SCIMP: variants seen among roughly 807,000 people sequenced by gnomAD.
SCIMP encodes SLP adapter and CSK-interacting membrane protein.
Under a neutral mutation model 22.0 loss-of-function variants are expected in SCIMP, and 18 were observed. The ratio of observed to expected loss-of-function variants is 0.82; its 90% CI spans 0.56 to 1.21. SCIMP has a LOEUF of 1.21. Among genes scored for constraint, SCIMP ranks in the 50% most tolerant of loss-of-function variants. SCIMP has a pLI of 0.00. For synonymous variants in SCIMP, 53 were observed against 62.2 expected (o/e 0.85, Z 0.70); for missense variants, 155 against 171.2 (o/e 0.91, Z 0.53).
At position 5,209,517 on chromosome 17, in the gene SCIMP, A is replaced by G. The variant is rs1166533068; in HGVS notation, c.*1284T>C. 1 of 152,140 alleles carries G rather than the reference A, an allele frequency of 6.6e-6. No individual in the cohort carries two copies. Among genetic ancestry groups the G allele is most frequent in the South Asian group, 2.1e-4 (1 of 4,834 alleles). The allele number at this position is 152,140 out of a possible 1,614,324, so 9.4% of individuals were successfully genotyped here. A position where few individuals can be genotyped will look rare whatever the true frequency, so the allele number is the denominator to read the frequency against. The stretch of plus-strand genomic sequence containing the variant: ...GAGAAAGCTTGAAAATGGGAGGAAC[A>G]CATTTTCCCATCTCTTGAGGGAAAT... On this transcript the variant is annotated 3_prime_UTR_variant, in exon 5 of 5. Coordinates refer to ENST00000574081, the MANE Select transcript of SCIMP (RefSeq NM_207103.3).
chr17:5,225,437 C>T (rs182706605), intron 1 of SCIMP, among the ~76,000 whole-genome samples: 1 of 151,922 alleles, frequency 6.6e-6, no homozygotes, highest in African/African-American at 2.4e-5. Flanking sequence ...TACATTCCAG[C>T]CTGGACAACA....
At chr17:5,216,120 T>G (rs1425663326) in intron 3 of SCIMP, among the ~76,000 whole-genome samples, 1 of 152,078 alleles carries the variant, frequency 6.6e-6, no homozygotes, top group Non-Finnish European at 1.5e-5. Context: ...AGAGGATCAC[T>G]TGAGCCCAAA....
intron 3 of SCIMP, among the ~76,000 whole-genome samples, chr17:5,216,686 CA>C (rs1003737910): frequency 5.9e-5 from 9 of 151,532 alleles, no homozygotes; most frequent in African/African-American, 2.2e-4. Flanking sequence ...AAACAAAAAA[CA>C]AAAAAAACCC....
chr17:5,208,973 CATTT>C lies in SCIMP; in HGVS notation c.*1824_*1827del, dbSNP rs1370050902. The C allele has an allele frequency of 6.6e-6, 1 of 152,154 alleles. No individual in the cohort carries two copies. Among genetic ancestry groups the C allele is most frequent in the East Asian group, 1.9e-4 (1 of 5,194 alleles). The allele number at this position is 152,154 out of a possible 1,614,324, so 9.4% of individuals were successfully genotyped here. ...TCATAGTCATGGAGGGTTTACAGAA[CATTT>C]ATAAGACGAAAGCATGTGTTTGAAA... On this transcript the variant is annotated 3_prime_UTR_variant, in exon 5 of 5. Transcript: ENST00000574081.
intron 4 of SCIMP, among the ~76,000 whole-genome samples, chr17:5,211,961 T>C (rs952982912): frequency 6.6e-6 from 1 of 151,938 alleles, no homozygotes; most frequent in African/African-American, 2.4e-5. Context: ...GACAGGAGAA[T>C]TGCTTGAACC....
intron 2 of SCIMP, among the ~76,000 whole-genome samples, chr17:5,222,311 T>C (rs1332132556): frequency 6.6e-6 from 1 of 151,574 alleles, no homozygotes; most frequent in Non-Finnish European, 1.5e-5. Context: ...CAGGATGGTC[T>C]TGATCTCCTC....
intron 1 of SCIMP, among the ~76,000 whole-genome samples, chr17:5,226,610 A>G (rs2074651188): frequency 6.7e-6 from 1 of 150,066 alleles, no homozygotes; most frequent in African/African-American, 2.5e-5. Flanking sequence ...AGTTCAAGCG[A>G]TTCTTCTGCC....
chr17:5,231,992 C>G (rs1158929857), intron 1 of SCIMP, among the ~76,000 whole-genome samples: 1 of 151,932 alleles, frequency 6.6e-6, no homozygotes, highest in Admixed American at 6.6e-5. Context: ...GGAGGCGGAG[C>G]TTGCAGTGAG....
At chr17:5,223,231 C>G (rs1054052771) in intron 2 of SCIMP, 102 bp downstream of exon 2, 24 of 1,286,592 alleles carry the variant, frequency 1.9e-5, no homozygotes, top group Middle Eastern at 4.1e-4. Flanking sequence ...CAAAATTCAG[C>G]TCATTCAGGC....
At chr17:5,212,913 A>G (rs1039776767) in intron 4 of SCIMP, 1 of 151,308 alleles carries the variant, frequency 6.6e-6, no homozygotes, top group African/African-American at 2.5e-5. Context: ...TAATACATAA[A>G]TGAACAATAA....
intron 1 of SCIMP, among the ~76,000 whole-genome samples, chr17:5,226,298 C>CA (rs745843765): frequency 1.3e-5 from 2 of 151,334 alleles, no homozygotes; most frequent in Admixed American, 1.3e-4. Flanking sequence ...GTGTAGCTTC[C>CA]AAAAAAAACT....
chr17:5,219,396 G>A (rs545157140), intron 3 of SCIMP, among the ~76,000 whole-genome samples: 50 of 152,198 alleles, frequency 3.3e-4, no homozygotes, highest in African/African-American at 1.2e-3. Flanking sequence ...GGAGGCCAAG[G>A]TGGGTGGATC....
rs145625540 is a variant in SCIMP at position 5,219,901 on chromosome 17, C to T, written c.209+1386G>A. Among the ~76,000 whole-genome samples, 18 of 152,328 alleles carry T rather than the reference C, an allele frequency of 1.2e-4. No homozygotes were observed. The East Asian group carries it at 3.3e-3, about 28-fold the overall frequency. ...TTGCCACATATTGTTACTGGGAGAA[C>T]TGGGGCTCTCTGTGCGACTTCACTG... On this transcript the variant is annotated intron_variant, in intron 3 of 4. Coordinates refer to ENST00000574081, the MANE Select transcript of SCIMP (RefSeq NM_207103.3).
In SCIMP at chr17:5,221,008, A is replaced by G. The variant is rs1254205871; in HGVS notation, c.209+279T>C. On this transcript the variant is annotated intron_variant, in intron 3 of 4. Transcript: ENST00000574081. The stretch of plus-strand genomic sequence containing the variant: ...AGGAGGCGGAGGCTGCAGTGAGCCG[A>G]GATCGTGCCAATGCACTCCAGCCTG... 2.9e-5 allele frequency: 15 copies of G among 519,142 alleles called. No homozygotes were observed. In the East Asian group the frequency reaches 6.0e-4, roughly 21 times the overall value. The allele number at this position is 519,142 out of a possible 1,614,324, so 32.2% of individuals were successfully genotyped here.
intron 3 of SCIMP, 135 bp from the exon 4 acceptor site, chr17:5,215,133 C>G: frequency 1.6e-6 from 1 of 618,278 alleles, no homozygotes; most frequent in Non-Finnish European, 3.0e-6. Flanking sequence ...GGAAGCATTT[C>G]CTTTCCTTTG....
intron 1 of SCIMP, among the ~76,000 whole-genome samples, chr17:5,231,137 A>G (rs1198084752): frequency 6.6e-5 from 10 of 152,186 alleles, no homozygotes; most frequent in African/African-American, 2.4e-4. Context: ...AGGTAGGCAG[A>G]TCACCTGAAG....
chr17:5,234,075 A>G (rs926254713), intron 1 of SCIMP: 7 of 152,580 alleles, frequency 4.6e-5, no homozygotes, highest in African/African-American at 1.4e-4. Context: ...GTTCGAGAGC[A>G]GCCTGGCCAA....
chr17:5,232,197 G>A (rs1015437661), intron 1 of SCIMP, among the ~76,000 whole-genome samples: 8 of 152,372 alleles, frequency 5.3e-5, no homozygotes, highest in African/African-American at 1.4e-4. Flanking sequence ...GAGCAGCGCC[G>A]TGTTATGTTC....
chr17:5,225,665 G>T (rs1026138528), intron 1 of SCIMP, among the ~76,000 whole-genome samples: 1 of 152,038 alleles, frequency 6.6e-6, no homozygotes, highest in African/African-American at 2.4e-5. Flanking sequence ...GAGAGACTGA[G>T]GCAAGAGAAT....
Sources: allele counts gnomAD v4.1 joint callset (sites outside exome capture counted in the v4.1 genomes callset), GRCh38; gene constraint gnomAD v4.1.1; transcripts MANE v1.5; gene names NCBI Gene and HGNC (gene_info 2026-07-23, HGNC 2026-07-21).